SFXN5: variants seen among roughly 807,000 people sequenced by gnomAD.
The protein encoded by SFXN5 is sideroflexin-5.
Under a neutral mutation model 50.2 loss-of-function variants are expected in SFXN5, and 43 were observed. That is an observed-to-expected ratio of 0.86 (90% CI 0.67 to 1.11). The LOEUF (loss-of-function observed/expected upper bound fraction) is 1.11, where lower values mean the gene tolerates loss of function less well. Among genes scored for constraint, SFXN5 ranks in the 50% least tolerant of loss-of-function variants. The pLI is 0.00. For missense variants in SFXN5, 463 were observed against 454.1 expected (o/e 1.02, Z -0.18); for synonymous variants, 203 against 185.8 (o/e 1.09, Z -0.75).
Position 72,961,320 on chromosome 2 carries a change from G to C in SFXN5, c.828-72C>G. On this transcript the variant is annotated intron_variant, in intron 12 of 13. Coordinates refer to ENST00000272433, the MANE Select transcript of SFXN5 (RefSeq NM_144579.3). The surrounding 1 kb of genome is among the most constrained non-coding windows in gnomAD (Gnocchi z 4.4). Reference sequence around the variant, plus strand: ...GGGCTGGCTGCCAGCCACCATGCTGGGTCCCACTCTGTCTCTGGGCCCAGG... The same window carrying C: ...GGGCTGGCTGCCAGCCACCATGCTGCGTCCCACTCTGTCTCTGGGCCCAGG... 1.9e-6 allele frequency: 2 copies of C among 1,046,806 alleles called. No homozygotes were observed. The highest frequency in any genetic ancestry group is 1.7e-5 in the African/African-American group (1 of 60,266). The allele number at this position is 1,046,806 out of a possible 1,614,324, so 64.8% of individuals were successfully genotyped here.
At chr2:73,008,159 T>C (rs2105748986) in intron 6 of SFXN5, among the ~76,000 whole-genome samples, 1 of 152,292 alleles carries the variant, frequency 6.6e-6, no homozygotes, top group South Asian at 2.1e-4. Context: ...GCCCATGTGA[T>C]CACCTGTGTG....
rs78525706 is a variant in SFXN5 at position 72,942,591 on chromosome 2, T to G, written c.*2431A>C. On this transcript the variant is annotated 3_prime_UTR_variant, in exon 14 of 14. Transcript: ENST00000272433. ...CCTCTGGCCTCAGCAGAGTGGGGCA[T>G]GGGTGCTGGGTGAAGGTTTCCCCTC... is the stretch of plus-strand genomic sequence containing the variant. The G allele has an allele frequency of 5.1e-4, 77 of 152,418 alleles. 2 individuals are homozygous for G. The highest frequency in any genetic ancestry group is 1.8e-3 in the African/African-American group (74 of 41,582). 9.4% of individuals were successfully genotyped at this position (152,418 alleles called of 1,614,324 possible).
intron 13 of SFXN5, among the ~76,000 whole-genome samples, chr2:72,952,965 T>C (rs976543583): frequency 3.3e-5 from 5 of 152,084 alleles, no homozygotes; most frequent in Non-Finnish European, 7.4e-5. Context: ...GCCTTCTCCC[T>C]CCCTATCCTG....
intron 1 of SFXN5, 98 bp downstream of exon 1, chr2:73,071,506 C>T (rs1302432380): frequency 9.7e-6 from 11 of 1,129,138 alleles, no homozygotes; most frequent in Non-Finnish European, 1.0e-5. Context: ...CCGCTGGCCG[C>T]GGGTGGGAGA....
chr2:72,971,816 AGG>A, intron 10 of SFXN5, 131 bp from the exon 11 acceptor site: 2 of 665,578 alleles, frequency 3.0e-6, no homozygotes, highest in Non-Finnish European at 5.2e-6. Flanking sequence ...AGGTTAGGGA[AGG>A]GGTGGTTCTG....
chr2:73,012,652 AC>A (rs1171159578), intron 6 of SFXN5, among the ~76,000 whole-genome samples: 4 of 14,380 alleles, frequency 2.8e-4, no homozygotes, highest in Non-Finnish European at 5.4e-4. Context: ...GCCAAACAAC[AC>A]ACACACACAC....
chr2:73,054,082 T>A (rs1016358675), intron 2 of SFXN5, among the ~76,000 whole-genome samples: 1 of 152,174 alleles, frequency 6.6e-6, no homozygotes, highest in African/African-American at 2.4e-5. Context: ...ATGAGGAGTA[T>A]GGCCGCTATC....
At chr2:73,067,808 T>C (rs981446847) in intron 1 of SFXN5, among the ~76,000 whole-genome samples, 13 of 152,190 alleles carry the variant, frequency 8.5e-5, no homozygotes, top group African/African-American at 1.2e-4. Context: ...TAAACTTCCA[T>C]AATAAAAAGT....
intron 4 of SFXN5, 111 bp from the exon 5 acceptor site, chr2:73,022,687 G>A (rs1031196895): frequency 2.8e-6 from 2 of 718,538 alleles, no homozygotes; most frequent in Non-Finnish European, 5.0e-6. Flanking sequence ...AGGAAGAAGG[G>A]AAGAAGACAA....
At chr2:73,047,275 T>TATATATATATATACAC (rs1300799277) in intron 2 of SFXN5, among the ~76,000 whole-genome samples, 5 of 51,746 alleles carry the variant, frequency 9.7e-5, no homozygotes, top group African/African-American at 3.2e-4. Context: ...TATATATATA[T>TATATATATATATACAC]ACACACATAT....
intron 1 of SFXN5, among the ~76,000 whole-genome samples, chr2:73,068,922 G>A (rs1471622323): frequency 6.6e-6 from 1 of 151,784 alleles, no homozygotes; most frequent in African/African-American, 2.4e-5. Context: ...AGAGTTGGGG[G>A]TAGAGGAAGA....
intron 9 of SFXN5, among the ~76,000 whole-genome samples, chr2:72,995,830 T>C (rs372062294): frequency 2.6e-5 from 4 of 152,192 alleles, no homozygotes; most frequent in East Asian, 3.9e-4. Context: ...TTTTGTGACT[T>C]ACACACACAA....
chr2:73,029,104 C>G (rs1018004519), intron 3 of SFXN5, among the ~76,000 whole-genome samples: 2 of 152,178 alleles, frequency 1.3e-5, no homozygotes, highest in East Asian at 3.9e-4. Flanking sequence ...GTGGAAATGA[C>G]GTTCGCCAGT....
In SFXN5 at chr2:72,988,314, T is replaced by C. The variant is rs1263503223; in HGVS notation, c.569A>G (p.Lys190Arg). 1 of 1,613,888 alleles carries C rather than the reference T, an allele frequency of 6.2e-7. No homozygotes were observed. Among genetic ancestry groups the C allele is most frequent in the Admixed American group, 1.7e-5 (1 of 60,022 alleles). Residue 190 changes from lysine (K) to arginine (R), a missense_variant, in exon 10 of 14, where the codon AAG becomes AGG. Transcript: ENST00000272433. ...GLNVLVQKAN[K>R]FTPATRLLIQ... Reference sequence around the variant, plus strand: ...GAGAAGGCGGGTGGCTGGGGTGAACTTGTTGGCTTTCTGAACCAGGACATT... The same window carrying C: ...GAGAAGGCGGGTGGCTGGGGTGAACCTGTTGGCTTTCTGAACCAGGACATT...
rs114816911 is a variant in SFXN5 at position 73,016,087 on chromosome 2, A to G, written c.357+4152T>C. 6.8e-3 allele frequency among the ~76,000 whole-genome samples: 1,038 copies of G among 152,272 alleles called. 19 individuals carry two copies. Among genetic ancestry groups the G allele is most frequent in the African/African-American group, 0.024 (977 of 41,540 alleles). On this transcript the variant is annotated intron_variant, in intron 6 of 13. Transcript: ENST00000272433. ...ATGCATTCTGATCTTTTATTCTGCT[A>G]CTGCATCTATAATTATTGTACTTCT...
chr2:73,053,196 A>C, intron 2 of SFXN5: 1 of 154,384 alleles, frequency 6.5e-6, no homozygotes, highest in Middle Eastern at 5.2e-4. Flanking sequence ...AAGGAAAAAA[A>C]AATCCCCCAA....
intron 1 of SFXN5, 82 bp downstream of exon 1, chr2:73,071,522 G>T: frequency 3.0e-6 from 4 of 1,345,338 alleles, no homozygotes; most frequent in South Asian, 1.3e-5. Flanking sequence ...GGAGACCCTT[G>T]GGCGGAAGGG....
chr2:72,982,913 C>T (rs570047057), intron 10 of SFXN5, among the ~76,000 whole-genome samples: 1 of 152,338 alleles, frequency 6.6e-6, no homozygotes, highest in Admixed American at 6.5e-5. Context: ...AAAGAAGGGA[C>T]TCATGGCATC....
intron 9 of SFXN5, among the ~76,000 whole-genome samples, chr2:72,993,354 T>C (rs888115570): frequency 4.6e-5 from 7 of 152,210 alleles, no homozygotes; most frequent in African/African-American, 7.2e-5. Context: ...AGCCTGCCGC[T>C]TGGCAATGGG....
Sources: gnomAD v4.1 joint callset for allele counts (sites outside exome capture counted in the v4.1 genomes callset) on GRCh38, gnomAD v4.1.1 for gene constraint, Gnocchi (gnomAD v3.1) non-coding constraint, MANE v1.5 for transcripts, NCBI Gene and HGNC (gene_info 2026-07-23, HGNC 2026-07-21) for gene names.